Variants in DTWD2 observed in about 807,000 individuals in gnomAD.
DTWD2 encodes the protein DTW motif tRNA-uridine aminocarboxypropyltransferase 2, also known as tRNA-uridine aminocarboxypropyltransferase 2.
DTWD2 carries 39 observed loss-of-function variants against 31.8 expected under a neutral mutation model. That is an observed-to-expected ratio of 1.22 (90% CI 0.95 to 1.60). The LOEUF is 1.60. DTWD2 is among the 40% of genes most tolerant of loss of function. The pLI, the probability that DTWD2 is intolerant of heterozygous loss-of-function variation, is 0.00. For missense variants in DTWD2, 515 were observed against 381.5 expected (o/e 1.35, Z -2.92); for synonymous variants, 180 against 142.8 (o/e 1.26, Z -1.86).
intron 4 of DTWD2, among the ~76,000 whole-genome samples, chr5:118,867,776 C>T (rs1047040385): frequency 2.0e-5 from 3 of 152,082 alleles, no homozygotes; most frequent in African/African-American, 7.2e-5. Context: ...AACGAAGACA[C>T]CAATAAATGG....
chr5:118,868,815 T>C (rs1372489483), intron 4 of DTWD2, among the ~76,000 whole-genome samples: 1 of 130,288 alleles, frequency 7.7e-6, no homozygotes, highest in Non-Finnish European at 1.5e-5. Context: ...CCAGCCTGAA[T>C]GAGAGATCAA....
chr5:118,964,969 G>T (rs555242611), intron 1 of DTWD2, among the ~76,000 whole-genome samples: 2 of 150,680 alleles, frequency 1.3e-5, no homozygotes, highest in African/African-American at 4.9e-5. Context: ...GCCTCTTCCC[G>T]GCCGCCATCC....
chr5:118,907,409 C>A (rs1753358496), intron 4 of DTWD2, among the ~76,000 whole-genome samples: 1 of 152,042 alleles, frequency 6.6e-6, no homozygotes, highest in South Asian at 2.1e-4. Flanking sequence ...GATGACCAGC[C>A]CAAATCTGCA....
intron 4 of DTWD2, among the ~76,000 whole-genome samples, chr5:118,912,782 G>C (rs1016292519): frequency 6.6e-6 from 1 of 152,022 alleles, no homozygotes; most frequent in Non-Finnish European, 1.5e-5. Flanking sequence ...AACTCCATGA[G>C]AAAAACAGTA....
At chr5:118,889,864 T>TC (rs1188037972) in intron 4 of DTWD2, among the ~76,000 whole-genome samples, 7 of 152,232 alleles carry the variant, frequency 4.6e-5, no homozygotes, top group African/African-American at 1.4e-4. Context: ...TACTTAGCTA[T>TC]CCCCTAAAAC....
intron 4 of DTWD2, among the ~76,000 whole-genome samples, chr5:118,918,319 G>A (rs970876505): frequency 2.6e-5 from 4 of 151,964 alleles, no homozygotes; most frequent in Non-Finnish European, 5.9e-5. Context: ...TTTTATATCA[G>A]TCAGGTTTTT....
rs1404916642 is a variant in DTWD2, at chr5:118,843,842, T to G, written c.727-2755A>C. On this transcript the variant is annotated intron_variant, in intron 5 of 5. Transcript: ENST00000510708. ...CTGTTCACAAATAGGCCAGCCTCCT[T>G]CCTGATACATGAGCAGATTGGCATT... 2.0e-5 allele frequency among the ~76,000 whole-genome samples: 3 copies of G among 152,226 alleles called. No homozygotes were observed. The East Asian group carries it at 5.8e-4, about 29-fold the overall frequency.
intron 4 of DTWD2, among the ~76,000 whole-genome samples, chr5:118,909,834 T>C (rs537270769): frequency 6.6e-6 from 1 of 152,302 alleles, no homozygotes; most frequent in East Asian, 1.9e-4. Flanking sequence ...AGCCACTGTA[T>C]TCCCCCGTAC....
At chr5:118,960,841 C>A (rs970083496) in intron 1 of DTWD2, among the ~76,000 whole-genome samples, 3 of 152,076 alleles carry the variant, frequency 2.0e-5, no homozygotes, top group African/African-American at 4.8e-5. Flanking sequence ...CCAAACACTG[C>A]ATATTCTCAC....
At chr5:118,928,858 T>C in intron 3 of DTWD2, 129 bp from the exon 4 acceptor site, 2 of 748,334 alleles carry the variant, frequency 2.7e-6, no homozygotes, top group Non-Finnish European at 3.9e-6. Flanking sequence ...TAAGTATTAG[T>C]TTATAAAGTA....
intron 1 of DTWD2, among the ~76,000 whole-genome samples, chr5:118,980,123 T>A (rs1326611778): frequency 6.6e-6 from 1 of 152,244 alleles, no homozygotes; most frequent in Non-Finnish European, 1.5e-5. Context: ...GACAATAACC[T>A]TTTGTTCTGG....
intron 1 of DTWD2, among the ~76,000 whole-genome samples, chr5:118,946,044 T>C (rs911041020): frequency 6.6e-6 from 1 of 152,216 alleles, no homozygotes; most frequent in Admixed American, 6.5e-5. Context: ...GTGGGTAAAT[T>C]GGCTCAAACA....
chr5:118,968,437 G>A (rs1260619492), intron 1 of DTWD2, among the ~76,000 whole-genome samples: 2 of 152,158 alleles, frequency 1.3e-5, no homozygotes, highest in Non-Finnish European at 2.9e-5. Context: ...TTCAACTGAG[G>A]TATCCAGGTT....
intron 4 of DTWD2, among the ~76,000 whole-genome samples, chr5:118,860,439 C>T (rs1387625768): frequency 6.6e-6 from 1 of 151,808 alleles, no homozygotes; most frequent in Non-Finnish European, 1.5e-5. Flanking sequence ...TTTATTCAAA[C>T]AGTCCACATT....
chr5:118,860,910 C>T (rs1752245913), intron 4 of DTWD2, among the ~76,000 whole-genome samples: 1 of 151,860 alleles, frequency 6.6e-6, no homozygotes, highest in South Asian at 2.1e-4. Flanking sequence ...AAATTTTTTT[C>T]CTGGTTTATC....
chr5:118,957,410 T>TG (rs1368461160), intron 1 of DTWD2, among the ~76,000 whole-genome samples: 5 of 151,806 alleles, frequency 3.3e-5, no homozygotes, highest in Non-Finnish European at 7.4e-5. Flanking sequence ...TTAGTAGAGA[T>TG]GGGGTTTCAC....
intron 4 of DTWD2, among the ~76,000 whole-genome samples, chr5:118,883,355 C>G (rs1323781627): frequency 2.0e-5 from 3 of 152,296 alleles, no homozygotes; most frequent in South Asian, 2.1e-4. Context: ...TCCACATCTT[C>G]CTGTCTTTTT....
At position 118,973,743 on chromosome 5, in the gene DTWD2, G is replaced by T. The variant is rs1755054834; in HGVS notation, c.218+14551C>A. 8 of 1,602,688 alleles carry T rather than the reference G, an allele frequency of 5.0e-6. No homozygotes were observed. In the South Asian group the frequency reaches 7.7e-5, roughly 15 times the overall value. Reference sequence around the variant, plus strand: ...CGGCAGCTTTATCGCCAGAGTCCCTGAACTCTCGCTTTCTTTTTAATCGCC... The same window carrying T: ...CGGCAGCTTTATCGCCAGAGTCCCTTAACTCTCGCTTTCTTTTTAATCGCC... On this transcript the variant is annotated intron_variant, in intron 1 of 5. Coordinates refer to ENST00000510708, the MANE Select transcript of DTWD2 (RefSeq NM_173666.4).
chr5:118,897,945 C>T (rs1753118520), intron 4 of DTWD2, among the ~76,000 whole-genome samples: 1 of 152,248 alleles, frequency 6.6e-6, no homozygotes, highest in East Asian at 1.9e-4. Context: ...CATGGCTCAG[C>T]CTTGACTTCC....
Sources: gnomAD v4.1 joint callset for allele counts (sites outside exome capture counted in the v4.1 genomes callset) on GRCh38, gnomAD v4.1.1 for gene constraint, MANE v1.5 for transcripts, NCBI Gene and HGNC (gene_info 2026-07-23, HGNC 2026-07-21) for gene names.